QPRT: variants seen among roughly 807,000 people sequenced by gnomAD.
The protein encoded by QPRT is quinolinate phosphoribosyltransferase, also known as nicotinate-nucleotide pyrophosphorylase [carboxylating].
In QPRT, 17 loss-of-function variants were observed where a neutral mutation model predicts 19.8. The ratio of observed to expected loss-of-function variants is 0.86; its 90% CI spans 0.59 to 1.29. QPRT has a LOEUF of 1.29. Ranked by LOEUF, QPRT falls within the 50% of genes most tolerant of loss-of-function variation. The pLI, the probability that QPRT is intolerant of heterozygous loss-of-function variation, is 0.00. For synonymous variants in QPRT, 178 were observed against 191.0 expected (o/e 0.93, Z 0.56); for missense variants, 336 against 405.1 (o/e 0.83, Z 1.46).
chr16:29,683,445 T>C (rs1341435826), intron 1 of QPRT, among the ~76,000 whole-genome samples: 1 of 151,872 alleles, frequency 6.6e-6, no homozygotes, highest in African/African-American at 2.4e-5. Flanking sequence ...AGCCTCCAAC[T>C]CCTGGACTCA....
rs1453505656 is a variant in QPRT, at chr16:29,695,032, G to A, written c.382G>A (p.Ala128Thr). 1.9e-6 allele frequency: 3 copies of A among 1,604,846 alleles called. No individual in the cohort carries two copies. The highest frequency in any genetic ancestry group is 2.2e-5 in the East Asian group (1 of 44,836). Residue 128 changes from alanine (A) to threonine (T), a missense_variant, in exon 2 of 4, where the codon GCC becomes ACC. Transcript: ENST00000395384. ...CGCTGCAGTGGAGGCCGCCAGGGGG[G>A]CCGGCTGGACTGGGCACGTGGCAGG... is the stretch of plus-strand genomic sequence containing the variant. ...AAAAVEAARGAGWTGHVAGTR... is the reference protein window; with the variant it reads ...AAAAVEAARGTGWTGHVAGTR...
At position 29,697,007 on chromosome 16, in the gene QPRT, G is replaced by C. The variant is rs371173994; in HGVS notation, c.561G>C (p.Ala187=). 6.2e-7 allele frequency: 1 copy of C among 1,605,818 alleles called. No homozygotes were observed. The highest frequency in any genetic ancestry group is 1.1e-5 in the South Asian group (1 of 90,292). ...CGGCTGCCCAGCAGGCGGTGCGGGC[G>C]GCCAGACAGGCGGCTGACTTCACTC... ...AAGGVEKAVR[A]ARQAADFTLK... is the part of the protein sequence containing the mutation. Residue 187 remains alanine (A), a synonymous_variant, in exon 3 of 4, where the codon GCG becomes GCC. Transcript: ENST00000395384. This position sits in a 1 kb window ranked among gnomAD's most constrained non-coding sequence, Gnocchi z 4.4.
chr16:29,692,687 C>T (rs1019838859), intron 1 of QPRT, among the ~76,000 whole-genome samples: 3 of 152,156 alleles, frequency 2.0e-5, no homozygotes, highest in Non-Finnish European at 4.4e-5. Context: ...ACGCCGAGAT[C>T]GCGCCTCTGC....
At chr16:29,694,608 A>G in intron 1 of QPRT, 56 bp from the exon 2 acceptor site, 1 of 1,482,702 alleles carries the variant, frequency 6.7e-7, no homozygotes. Context: ...TTTGACAGTG[A>G]CCCCTGACAG....
intron 1 of QPRT, among the ~76,000 whole-genome samples, chr16:29,681,592 G>A (rs1028297495): frequency 2.0e-5 from 3 of 147,086 alleles, no homozygotes; most frequent in African/African-American, 7.5e-5. Flanking sequence ...TGCCTCCCGG[G>A]TTCAAGCGAT....
Position 29,696,782 on chromosome 16 carries a change from A to G in QPRT, c.550-214A>G, listed in dbSNP as rs771661009. The stretch of plus-strand genomic sequence containing the variant: ...GGCGACAGGTTGAGACCCTGTCTCA[A>G]AAACAAAACAAAGCAAAAACAACCC... On this transcript the variant is annotated intron_variant, in intron 2 of 3. Transcript: ENST00000395384. 2.8e-4 allele frequency: 151 copies of G among 541,032 alleles called. 1 individual carries two copies. In the Middle Eastern group the frequency reaches 3.4e-3, roughly 12 times the overall value. The allele number at this position is 541,032 out of a possible 1,614,324, so 33.5% of individuals were successfully genotyped here.
At chr16:29,682,548 C>T (rs899815945) in intron 1 of QPRT, among the ~76,000 whole-genome samples, 3 of 151,170 alleles carry the variant, frequency 2.0e-5, no homozygotes, top group African/African-American at 7.3e-5. Flanking sequence ...AATTTTTTTG[C>T]ATTTTTTTTT....
intron 1 of QPRT, among the ~76,000 whole-genome samples, chr16:29,691,085 C>A (rs536264175): frequency 1.3e-5 from 2 of 151,842 alleles, no homozygotes; most frequent in South Asian, 4.1e-4. Context: ...ATCAGTCTGG[C>A]CAGGCACGGT....
intron 1 of QPRT, among the ~76,000 whole-genome samples, chr16:29,685,951 C>G (rs974237606): frequency 2.0e-5 from 3 of 152,168 alleles, no homozygotes; most frequent in Non-Finnish European, 2.9e-5. Context: ...ACCTCCACCT[C>G]CCGGGTTCAA....
intron 1 of QPRT, among the ~76,000 whole-genome samples, chr16:29,690,401 G>A (rs748243222): frequency 1.3e-5 from 2 of 152,108 alleles, no homozygotes; most frequent in Non-Finnish European, 2.9e-5. Flanking sequence ...GGGTGGAATG[G>A]TATTTCTGGT....
rs1437051897 is a variant in QPRT at position 29,694,830 on chromosome 16, C to T, written c.180C>T (p.Phe60=). 1.2e-5 allele frequency: 19 copies of T among 1,613,986 alleles called. No homozygotes were observed. Among genetic ancestry groups the T allele is most frequent in the African/African-American group, 4.0e-5 (3 of 74,928 alleles). The change falls in exon 2 of 4, where the codon TTC becomes TTT. Residue 60 remains phenylalanine, a synonymous_variant. Coordinates refer to ENST00000395384, the MANE Select transcript of QPRT (RefSeq NM_014298.6). ...SPGVLAGQPF[F]DAIFTQLNCQ... ...GGGTACTGGCAGGGCAGCCTTTCTT[C>T]GATGCCATATTTACCCAACTCAACT...
intron 1 of QPRT, 134 bp downstream of exon 1, chr16:29,679,344 C>T: frequency 1.6e-6 from 1 of 620,294 alleles, no homozygotes; most frequent in South Asian, 2.1e-5. Context: ...CATCGACTCC[C>T]TTACCTACCC....
intron 1 of QPRT, among the ~76,000 whole-genome samples, chr16:29,688,104 AG>A (rs1392246152): frequency 6.6e-6 from 1 of 152,158 alleles, no homozygotes; most frequent in African/African-American, 2.4e-5. Context: ...CTATTGCTGT[AG>A]GGGAAGAGTG....
intron 1 of QPRT, among the ~76,000 whole-genome samples, chr16:29,692,706 G>A (rs1420803763): frequency 6.6e-6 from 1 of 152,174 alleles, no homozygotes; most frequent in Non-Finnish European, 1.5e-5. Context: ...GCAGTCGCCA[G>A]GCCACTGCAG....
At chr16:29,695,297 C>G in intron 2 of QPRT, 98 bp downstream of exon 2, 1 of 1,352,100 alleles carries the variant, frequency 7.4e-7, no homozygotes, top group Non-Finnish European at 9.8e-7. Context: ...GGGTGAACAG[C>G]CATGGCCTGG....
At chr16:29,687,832 T>TA (rs34996194) in intron 1 of QPRT, among the ~76,000 whole-genome samples, 14 of 147,810 alleles carry the variant, frequency 9.5e-5, no homozygotes, top group Non-Finnish European at 1.5e-4. Flanking sequence ...CTGTCTCTAT[T>TA]AAAAAAAAAA....
intron 1 of QPRT, among the ~76,000 whole-genome samples, chr16:29,680,593 G>GA (rs1966971045): frequency 6.6e-6 from 1 of 152,166 alleles, no homozygotes; most frequent in African/African-American, 2.4e-5. Context: ...GACCATGGGT[G>GA]GGTCCTGGCT....
At chr16:29,687,976 A>G (rs1012556699) in intron 1 of QPRT, among the ~76,000 whole-genome samples, 1 of 152,124 alleles carries the variant, frequency 6.6e-6, no homozygotes, top group African/African-American at 2.4e-5. Context: ...AGAAAGAAAG[A>G]AAAAAGTCAA....
chr16:29,686,408 G>A (rs1967162304), intron 1 of QPRT, among the ~76,000 whole-genome samples: 1 of 152,184 alleles, frequency 6.6e-6, no homozygotes, highest in African/African-American at 2.4e-5. Context: ...TATTCCATGA[G>A]TCCACCACAC....
Sources: allele counts gnomAD v4.1 joint callset (sites outside exome capture counted in the v4.1 genomes callset), GRCh38; gene constraint gnomAD v4.1.1; non-coding constraint Gnocchi (gnomAD v3.1); transcripts MANE v1.5; gene names NCBI Gene and HGNC (gene_info 2026-07-23, HGNC 2026-07-21).